Variants in NAV2 observed in about 807,000 individuals in gnomAD.
The protein encoded by NAV2 is neuron navigator 2.
NAV2 carries 54 observed loss-of-function variants against 223.2 expected under a neutral mutation model. The observed-to-expected ratio is 0.24, with a 90% CI of 0.19 to 0.30. The LOEUF (loss-of-function observed/expected upper bound fraction) is 0.30. Ranked by LOEUF, NAV2 falls within the 10% of genes least tolerant of loss-of-function variation. The pLI is 1.00. For missense variants in NAV2, 2,806 were observed against 3,147.5 expected (o/e 0.89, Z 2.60); for synonymous variants, 1,279 against 1,239.3 (o/e 1.03, Z -0.67).
At chr11:19,362,059 T>C (rs926845229) in intron 1 of NAV2, among the ~76,000 whole-genome samples, 1 of 152,082 alleles carries the variant, frequency 6.6e-6, no homozygotes, top group Non-Finnish European at 1.5e-5. Context: ...GAGAGGGAGA[T>C]GGACTAGCAA....
intron 6 of NAV2, among the ~76,000 whole-genome samples, chr11:19,904,698 C>G (rs2042726075): frequency 6.6e-6 from 1 of 152,022 alleles, no homozygotes; most frequent in South Asian, 2.1e-4. Context: ...AAAAAAAATA[C>G]AGGGAGGCAA....
intron 1 of NAV2, among the ~76,000 whole-genome samples, chr11:19,624,773 G>T (rs2047114418): frequency 6.7e-6 from 1 of 149,748 alleles, no homozygotes; most frequent in South Asian, 2.1e-4. Context: ...TGCACCCACT[G>T]TCTGACAAGC....
intron 1 of NAV2, among the ~76,000 whole-genome samples, chr11:19,359,386 G>A (rs1000639598): frequency 6.6e-6 from 1 of 152,212 alleles, no homozygotes; most frequent in Non-Finnish European, 1.5e-5. Context: ...ATGGTGACAG[G>A]TGACCTGGAA....
At chr11:19,521,381 G>C (rs978063884) in intron 1 of NAV2, among the ~76,000 whole-genome samples, 1 of 152,196 alleles carries the variant, frequency 6.6e-6, no homozygotes, top group African/African-American at 2.4e-5. Context: ...GCTTTGAGGA[G>C]CACAGGCTTT....
At chr11:19,630,996 TA>T (rs1287427845) in intron 1 of NAV2, among the ~76,000 whole-genome samples, 3 of 149,828 alleles carry the variant, frequency 2.0e-5, no homozygotes, top group Non-Finnish European at 3.0e-5. Flanking sequence ...AACACCAGTT[TA>T]AAAGCAGTGT....
chr11:19,774,711 G>A (rs968658629), intron 1 of NAV2, among the ~76,000 whole-genome samples: 1 of 152,186 alleles, frequency 6.6e-6, no homozygotes, highest in African/African-American at 2.4e-5. Context: ...TGCTCAAGGA[G>A]TGTTTGCTAA....
In NAV2 at chr11:19,561,759, C is replaced by A. The variant is rs568740416; in HGVS notation, c.75+210732C>A. ...TTCCTTGAATGGGACCTCTGCCTTG[C>A]ACTCTGTTTTAACCCCCTTGAGGCT... On this transcript the variant is annotated intron_variant, in intron 1 of 37. Coordinates refer to the NAV2 transcript ENST00000360655. Among the ~76,000 whole-genome samples the A allele has an allele frequency of 5.3e-5, 8 of 152,322 alleles. No homozygotes were observed. The East Asian group carries it at 1.5e-3, about 29-fold the overall frequency.
chr11:19,896,680 T>A (rs2042008379), intron 6 of NAV2, among the ~76,000 whole-genome samples: 1 of 152,230 alleles, frequency 6.6e-6, no homozygotes, highest in South Asian at 2.1e-4. Context: ...CTCGGAGGAA[T>A]TGTTCTAATG....
chr11:20,056,630 T>A (rs2058379462), intron 19 of NAV2: 2 of 1,604,180 alleles, frequency 1.2e-6, no homozygotes, highest in African/African-American at 2.7e-5. Context: ...ATGAGTTAGG[T>A]GAGTAAGCAG....
chr11:19,587,242 G>A (rs1590616243), intron 1 of NAV2, among the ~76,000 whole-genome samples: 1 of 152,192 alleles, frequency 6.6e-6, no homozygotes, highest in African/African-American at 2.4e-5. Context: ...CAGTATTAGG[G>A]TGGGAGTGAC....
chr11:20,095,814 A>G (rs770621376), intron 30 of NAV2, 47 bp downstream of exon 30: 2 of 1,402,334 alleles, frequency 1.4e-6, no homozygotes, highest in East Asian at 2.3e-5. Context: ...TAACATGGGC[A>G]TCCGGGCCTG....
At chr11:19,386,001 TG>T (rs1849029378) in intron 1 of NAV2, among the ~76,000 whole-genome samples, 1 of 152,154 alleles carries the variant, frequency 6.6e-6, no homozygotes, top group South Asian at 2.1e-4. Context: ...CCTGACCTCA[TG>T]ATCCACCCGC....
intron 6 of NAV2, among the ~76,000 whole-genome samples, chr11:19,914,766 G>A (rs1036182231): frequency 2.6e-5 from 4 of 151,518 alleles, no homozygotes; most frequent in Non-Finnish European, 5.9e-5. Context: ...GGATGGTCTC[G>A]ATCTCCTGAC....
chr11:20,092,973 A>AC (rs550356437), intron 28 of NAV2, 126 bp from the exon 29 acceptor site: 20 of 78,102 alleles, frequency 2.6e-4, no homozygotes, highest in Admixed American at 5.2e-4. Context: ...CTCTTCCCCT[A>AC]CCCCCCCACC....
intron 1 of NAV2, among the ~76,000 whole-genome samples, chr11:19,639,982 G>A (rs997817522): frequency 5.3e-5 from 8 of 152,192 alleles, no homozygotes; most frequent in Admixed American, 1.3e-4. Context: ...AGACTAACCC[G>A]GCTTCTGCTC....
chr11:19,630,937 A>AAT, intron 1 of NAV2, among the ~76,000 whole-genome samples: 1 of 133,504 alleles, frequency 7.5e-6, no homozygotes, highest in African/African-American at 2.6e-5. Context: ...AAAAAAAAAA[A>AAT]GGAAAAAAGA....
chr11:19,549,893 C>A (rs2044633936), intron 1 of NAV2, among the ~76,000 whole-genome samples: 1 of 152,224 alleles, frequency 6.6e-6, no homozygotes, highest in Non-Finnish European at 1.5e-5. Context: ...ACTTCCCATG[C>A]CCTGCCCTCG....
intron 1 of NAV2, among the ~76,000 whole-genome samples, chr11:19,741,493 C>CT (rs1192404835): frequency 4.1e-4 from 29 of 70,158 alleles, no homozygotes; most frequent in African/African-American, 1.0e-3. Context: ...TTCTTTCTTT[C>CT]TTTCTTTTTT....
intron 1 of NAV2, among the ~76,000 whole-genome samples, chr11:19,668,741 A>G (rs1007366768): frequency 1.3e-5 from 2 of 151,382 alleles, no homozygotes; most frequent in African/African-American, 2.4e-5. Context: ...CTGGTGTCCA[A>G]TCTGTGGCTG....
Sources: allele counts gnomAD v4.1 joint callset (sites outside exome capture counted in the v4.1 genomes callset), GRCh38; gene constraint gnomAD v4.1.1; transcripts MANE v1.5; gene names NCBI Gene and HGNC (gene_info 2026-07-23, HGNC 2026-07-21).